The following BDP1 variants were observed in gnomAD, a reference collection of about 807,000 sequenced individuals.
BDP1 encodes transcription factor TFIIIB component B'' homolog.
In BDP1, 169 loss-of-function variants were observed where a neutral mutation model predicts 266.6. The ratio of observed to expected loss-of-function variants is 0.63; its 90% confidence interval spans 0.56 to 0.72. BDP1 has a LOEUF of 0.72. Among genes scored for constraint, BDP1 ranks in the 30% least tolerant of loss-of-function variants. BDP1 has a pLI of 0.00. For synonymous variants in BDP1, 1,090 were observed against 1,022.4 expected (o/e 1.07, Z -1.26); for missense variants, 3,015 against 3,053.8 (o/e 0.99, Z 0.30).
At chr5:71,503,297 CT>C (rs1378635961) in intron 15 of BDP1, among the ~76,000 whole-genome samples, 2 of 152,042 alleles carry the variant, frequency 1.3e-5, no homozygotes, top group Non-Finnish European at 2.9e-5. Flanking sequence ...CCTTTACCCC[CT>C]TTTCAAAACA....
intron 26 of BDP1, 56 bp downstream of exon 26, chr5:71,532,483 A>G (rs986287233): frequency 1.3e-6 from 2 of 1,559,672 alleles, no homozygotes; most frequent in Admixed American, 3.6e-5. Context: ...CTTTGAAAAG[A>G]CTGGAGGTTC....
chr5:71,457,362 C>T (rs1252176737), intron 1 of BDP1, among the ~76,000 whole-genome samples: 2 of 147,820 alleles, frequency 1.4e-5, no homozygotes, highest in East Asian at 2.0e-4. Flanking sequence ...TGCTCTGTCG[C>T]CCAGGCTGAA....
chr5:71,504,809 A>T, intron 16 of BDP1, 58 bp downstream of exon 16: 1 of 1,564,254 alleles, frequency 6.4e-7, no homozygotes, highest in East Asian at 2.3e-5. Flanking sequence ...TTTAGAACTC[A>T]ATCAGTTTTT....
chr5:71,516,143 A>G lies in BDP1; in HGVS notation c.4732A>G (p.Arg1578Gly), dbSNP rs201219901. Residue 1578 changes from arginine to glycine, a missense_variant, in exon 21 of 39, where the codon AGA becomes GGA. Physicochemically the swap from Arg to Gly is moderately radical, Grantham distance 125. Around this residue, in one of 3 missense-constraint regions of BDP1, gnomAD observed 2,383 missense variants for 2,404.9 expected, o/e 0.99. Coordinates refer to ENST00000358731, the MANE Select transcript of BDP1 (RefSeq NM_018429.3). ...TARQVRGRLQ[R>G]PRPNIRKTGQ... ...TCGACAAGTAAGGGGCCGACTTCAG[A>G]GACCGAGACCAAATATAAGAAAGAC... 1.9e-6 allele frequency: 3 copies of G among 1,613,148 alleles called. No individual in the cohort carries two copies. The highest frequency in any genetic ancestry group is 2.5e-6 in the Non-Finnish European group (3 of 1,179,534).
At chr5:71,508,723 C>CT (rs1764727475) in intron 16 of BDP1, among the ~76,000 whole-genome samples, 1 of 152,128 alleles carries the variant, frequency 6.6e-6, no homozygotes, top group Non-Finnish European at 1.5e-5. Context: ...TTTAAAAGCC[C>CT]TTTCATTCAT....
chr5:71,517,820 C>G (rs1008458301), intron 22 of BDP1, among the ~76,000 whole-genome samples: 5 of 152,116 alleles, frequency 3.3e-5, no homozygotes, highest in Non-Finnish European at 7.4e-5. Flanking sequence ...TCTCCCAGCA[C>G]TTTGGGAAGC....
At position 71,455,971 on chromosome 5, in the gene BDP1, G is replaced by GA; in HGVS notation, c.95dup (p.Ser33ValfsTer37). Reference sequence around the variant, plus strand: ...AGCTTCCAATCCCCAGCGTGGACGGGAGTCTCCCAGGCCGCCGGATCCTGC... The same window carrying GA: ...AGCTTCCAATCCCCAGCGTGGACGGGAAGTCTCCCAGGCCGCCGGATCCTGC... On this transcript the variant is annotated frameshift_variant, in exon 1 of 39. Transcript: ENST00000358731. LOFTEE classifies it high-confidence loss of function. 6.2e-7 allele frequency: 1 copy of GA among 1,613,332 alleles called. No individual in the cohort carries two copies. Among genetic ancestry groups the GA allele is most frequent in the Non-Finnish European group, 8.5e-7 (1 of 1,179,924 alleles).
intron 9 of BDP1, among the ~76,000 whole-genome samples, chr5:71,488,519 C>T (rs1364363188): frequency 6.6e-6 from 1 of 151,684 alleles, no homozygotes; most frequent in East Asian, 1.9e-4. Flanking sequence ...GCCTCCACCT[C>T]TCCAGTTGAA....
In BDP1 at chr5:71,542,169, A is replaced by T; in HGVS notation, c.6316A>T (p.Asn2106Tyr). ...IRSRLAKPKP[N>Y]LEKTLGTNRL... ...AAGTAGGCTTGCTAAGCCTAAACCA[A>T]ATCTTGAGAAGACTTTAGGGACCAA... The change falls in exon 30 of 39, where the codon AAT (asparagine) becomes TAT (tyrosine). Residue 2106 changes from asparagine (N) to tyrosine (Y), a missense_variant. Transcript: ENST00000358731. 6.2e-7 allele frequency: 1 copy of T among 1,613,692 alleles called. No individual in the cohort carries two copies. Among genetic ancestry groups the T allele is most frequent in the Non-Finnish European group, 8.5e-7 (1 of 1,179,806 alleles).
chr5:71,523,699 T>A (rs1765625659), intron 24 of BDP1, among the ~76,000 whole-genome samples: 1 of 152,216 alleles, frequency 6.6e-6, no homozygotes, highest in Non-Finnish European at 1.5e-5. Context: ...CAGGAAAGAA[T>A]GGTCCAGAAT....
In BDP1 at chr5:71,565,471, A is replaced by G. The variant is rs796848437; in HGVS notation, c.*586A>G. On this transcript the variant is annotated 3_prime_UTR_variant, in exon 39 of 39. Coordinates refer to ENST00000358731, the MANE Select transcript of BDP1 (RefSeq NM_018429.3). ...CATTATAGCCATCATAACACAGTGC[A>G]TTGCTTTTTTATGTTTAGATATGTT... 4.6e-4 allele frequency: 70 copies of G among 152,538 alleles called. 1 individual carries two copies. Among genetic ancestry groups the G allele is most frequent in the African/African-American group, 1.7e-3 (69 of 41,570 alleles). 9.4% of individuals were successfully genotyped at this position (152,538 alleles called of 1,614,324 possible). A position where few individuals can be genotyped will look rare whatever the true frequency, so the allele number is the denominator to read the frequency against.
intron 16 of BDP1, among the ~76,000 whole-genome samples, chr5:71,506,780 A>T (rs868010352): frequency 9.5e-6 from 1 of 105,798 alleles, no homozygotes; most frequent in African/African-American, 3.5e-5. Context: ...ATATATATAT[A>T]TTTGAAACAC....
chr5:71,543,600 G>T (rs1447735748), intron 30 of BDP1, among the ~76,000 whole-genome samples: 1 of 152,090 alleles, frequency 6.6e-6, no homozygotes, highest in Non-Finnish European at 1.5e-5. Context: ...ATAAAAGGAA[G>T]AAAATTATAA....
At position 71,513,385 on chromosome 5, in the gene BDP1, C is replaced by T. The variant is rs1281076762; in HGVS notation, c.4448C>T (p.Thr1483Ile). ...GTGATGCAAGAAAATAATGAACAAA[C>T]TGATACTCTCCCTTCTCAACATGTG... ...TIVMQENNEQ[T>I]DTLPSQHDEA... Residue 1483 changes from threonine (T) to isoleucine (I), a missense_variant, in exon 19 of 39, where the codon ACT (threonine) becomes ATT (isoleucine). Thr to Ile is a moderately conservative substitution (Grantham distance 89). Transcript: ENST00000358731. 6.3e-7 allele frequency: 1 copy of T among 1,585,014 alleles called. No individual in the cohort carries two copies. Among genetic ancestry groups the T allele is most frequent in the Non-Finnish European group, 8.6e-7 (1 of 1,166,582 alleles).
At chr5:71,489,100 G>A (rs1463906471) in intron 9 of BDP1, among the ~76,000 whole-genome samples, 1 of 152,132 alleles carries the variant, frequency 6.6e-6, no homozygotes, top group African/African-American at 2.4e-5. Context: ...ATCTCTATAT[G>A]TAACTGTTTT....
chr5:71,455,913 T>C lies in BDP1; in HGVS notation c.36T>C (p.Asn12=). 6.2e-7 allele frequency: 1 copy of C among 1,607,752 alleles called. No individual in the cohort carries two copies. The highest frequency in any genetic ancestry group is 8.5e-7 in the Non-Finnish European group (1 of 1,177,362). The change falls in exon 1 of 39, where the codon AAT becomes AAC. Residue 12 remains asparagine, a synonymous_variant. Transcript: ENST00000358731. ...FRRARLSVKP[N]VRPGVGARGS... ...GGGCACGCCTTAGCGTGAAGCCGAA[T>C]GTCAGGCCTGGTGTAGGCGCCAGGG... is the stretch of plus-strand genomic sequence containing the variant.
At chr5:71,503,095 A>G (rs1005579274) in intron 15 of BDP1, among the ~76,000 whole-genome samples, 5 of 151,528 alleles carry the variant, frequency 3.3e-5, no homozygotes, top group East Asian at 2.0e-4. Flanking sequence ...CACATGATCT[A>G]TAATGTTTTT....
At chr5:71,516,498 AC>A (rs1444756387) in intron 21 of BDP1, among the ~76,000 whole-genome samples, 2 of 152,136 alleles carry the variant, frequency 1.3e-5, no homozygotes, top group Non-Finnish European at 2.9e-5. Context: ...TTCCATTAGG[AC>A]AAAATAATAT....
intron 25 of BDP1, among the ~76,000 whole-genome samples, chr5:71,526,615 CAAAAAA>C (rs752124588): frequency 4.0e-5 from 2 of 49,862 alleles, no homozygotes; most frequent in African/African-American, 8.3e-5. Flanking sequence ...GACTCTATCT[CAAAAAA>C]AAAAAAAAAA....
Sources: gnomAD v4.1 joint callset for allele counts (sites outside exome capture counted in the v4.1 genomes callset) on GRCh38, gnomAD v4.1.1 for gene constraint, gnomAD v4.1.1 regional missense constraint, MANE v1.5 for transcripts, NCBI Gene and HGNC (gene_info 2026-07-23, HGNC 2026-07-21) for gene names.